AGBL1: variants seen among roughly 807,000 people sequenced by gnomAD.
The protein encoded by AGBL1 is AGBL carboxypeptidase 1.
In AGBL1, 130 loss-of-function variants were observed where a neutral mutation model predicts 118.9. The observed-to-expected ratio is 1.09, with a 90% CI of 0.95 to 1.26. The LOEUF is 1.26. Ranked by LOEUF, AGBL1 falls within the 50% of genes most tolerant of loss-of-function variation. The pLI is 0.00. For missense variants in AGBL1, 1,584 were observed against 1,298.1 expected, an observed-to-expected ratio of 1.22 and a Z score of -3.38; for synonymous variants, 555 against 478.9, an observed-to-expected ratio of 1.16 and a Z score of -2.08.
chr15:86,676,481 C>T (rs994246491), intron 22 of AGBL1, among the ~76,000 whole-genome samples: 6 of 152,204 alleles, frequency 3.9e-5, no homozygotes, highest in Admixed American at 2.6e-4. Context: ...GGTTTGAAAC[C>T]ATCAACAGGC....
At chr15:86,288,634 G>A (rs1052691075) in intron 16 of AGBL1, among the ~76,000 whole-genome samples, 6 of 151,920 alleles carry the variant, frequency 3.9e-5, no homozygotes, top group Non-Finnish European at 7.4e-5. Context: ...ATAGCTCTAT[G>A]TATGATCAAT....
At chr15:87,006,487 G>T (rs947276059) in intron 24 of AGBL1, among the ~76,000 whole-genome samples, 1 of 152,184 alleles carries the variant, frequency 6.6e-6, no homozygotes, top group African/African-American at 2.4e-5. Context: ...GGTACCCTCC[G>T]AGCCAGGCAC....
At chr15:86,646,936 T>A (rs1423494526) in intron 21 of AGBL1, among the ~76,000 whole-genome samples, 2 of 152,214 alleles carry the variant, frequency 1.3e-5, no homozygotes, top group Non-Finnish European at 2.9e-5. Flanking sequence ...TTAATTTTTT[T>A]CTTAGTTTTT....
intron 22 of AGBL1, among the ~76,000 whole-genome samples, chr15:86,784,130 A>G (rs1050552251): frequency 4.6e-5 from 7 of 152,302 alleles, no homozygotes; most frequent in African/African-American, 1.7e-4. Context: ...TACTTGCTAT[A>G]AAGGAGTGTT....
At position 86,269,888 on chromosome 15, in the gene AGBL1, A is replaced by G. The variant is rs372532821; in HGVS notation, c.1839-31A>G. On this transcript the variant is annotated intron_variant, in intron 13 of 22. Transcript: ENST00000614907. Reference sequence around the variant, plus strand: ...GAAGTTTACCTGAAAGACTTTCCAGATAACCCTCCAGTCTTGCTTCTGATC... The same window carrying G: ...GAAGTTTACCTGAAAGACTTTCCAGGTAACCCTCCAGTCTTGCTTCTGATC... 25 of 1,607,026 alleles carry G rather than the reference A, an allele frequency of 1.6e-5. No individual in the cohort carries two copies. In the African/African-American group the frequency reaches 2.9e-4, roughly 19 times the overall value.
intron 5 of AGBL1, among the ~76,000 whole-genome samples, chr15:86,221,764 TA>T: frequency 6.6e-6 from 1 of 152,188 alleles, no homozygotes; most frequent in South Asian, 2.1e-4. Context: ...TTTTTTTTTT[TA>T]AGGAAAGCAC....
chr15:86,749,216 G>A (rs906882622), intron 22 of AGBL1, among the ~76,000 whole-genome samples: 25 of 152,082 alleles, frequency 1.6e-4, no homozygotes, highest in Non-Finnish European at 3.2e-4. Context: ...TCCTTGAAGA[G>A]GTCCTTCACA....
chr15:86,414,457 C>T (rs2034948635), intron 18 of AGBL1, among the ~76,000 whole-genome samples: 2 of 152,068 alleles, frequency 1.3e-5, no homozygotes, highest in South Asian at 2.1e-4. Flanking sequence ...GCAGAATACC[C>T]CTGGAAGAAG....
chr15:86,793,542 A>G (rs1476317016), intron 22 of AGBL1, among the ~76,000 whole-genome samples: 3 of 152,226 alleles, frequency 2.0e-5, no homozygotes, highest in African/African-American at 7.2e-5. Context: ...AAAAATCTTC[A>G]TGACATTATA....
chr15:86,321,519 A>G (rs990849233), intron 17 of AGBL1, among the ~76,000 whole-genome samples: 1 of 152,114 alleles, frequency 6.6e-6, no homozygotes, highest in African/African-American at 2.4e-5. Flanking sequence ...CTGTAATCCC[A>G]GCACTTTGGG....
chr15:86,197,708 C>T (rs1461842048), intron 5 of AGBL1, among the ~76,000 whole-genome samples: 5 of 152,010 alleles, frequency 3.3e-5, no homozygotes, highest in Admixed American at 2.6e-4. Context: ...GAAGCATGTT[C>T]TAAAGAGAAC....
intron 21 of AGBL1, among the ~76,000 whole-genome samples, chr15:86,633,807 ATATAATG>A (rs2085023454): frequency 1.9e-4 from 1 of 5,182 alleles, no homozygotes; most frequent in Non-Finnish European, 4.9e-4. Context: ...ATGTATATAT[ATATAATG>A]TATGTATATA....
Position 86,270,213 on chromosome 15 carries a change from G to C in AGBL1, c.1987+146G>C, listed in dbSNP as rs1299518868. 4 of 1,021,214 alleles carry C rather than the reference G, an allele frequency of 3.9e-6. No individual in the cohort carries two copies. The Admixed American group carries it at 8.3e-5, about 21-fold the overall frequency. 63.3% of individuals were successfully genotyped at this position (1,021,214 alleles called of 1,614,324 possible). A position where few individuals can be genotyped will look rare whatever the true frequency, so the allele number is the denominator to read the frequency against. ...GTTGCCAGGTGCAGCAAGGCAGGCA[G>C]TGGCCCTCAGTGGCACACTGCTACT... On this transcript the variant is annotated intron_variant, in intron 14 of 22. Coordinates refer to ENST00000614907, the MANE Select transcript of AGBL1 (RefSeq NM_001386094.1).
At chr15:86,828,405 G>T (rs958388837) in intron 22 of AGBL1, among the ~76,000 whole-genome samples, 2 of 151,934 alleles carry the variant, frequency 1.3e-5, no homozygotes, top group Admixed American at 6.6e-5. Flanking sequence ...TCTCGAGATG[G>T]GAAGATTATC....
At chr15:86,453,837 T>C (rs1460002249) in intron 18 of AGBL1, among the ~76,000 whole-genome samples, 2 of 152,180 alleles carry the variant, frequency 1.3e-5, no homozygotes, top group African/African-American at 4.8e-5. Flanking sequence ...GATTTTGTTG[T>C]GTGTAGTATT....
At chr15:86,928,662 T>C (rs1331641140) in intron 23 of AGBL1, among the ~76,000 whole-genome samples, 1 of 152,204 alleles carries the variant, frequency 6.6e-6, no homozygotes, top group African/African-American at 2.4e-5. Flanking sequence ...TGTATGTGTA[T>C]GAATTATATC....
intron 18 of AGBL1, among the ~76,000 whole-genome samples, chr15:86,482,309 A>G (rs548923089): frequency 4.6e-5 from 7 of 152,270 alleles, no homozygotes; most frequent in Non-Finnish European, 8.8e-5. Flanking sequence ...GAGAGCACAA[A>G]TGGTTATTAA....
intron 6 of AGBL1, among the ~76,000 whole-genome samples, chr15:86,240,297 G>A (rs142449634): frequency 1.0e-3 from 156 of 152,308 alleles, no homozygotes; most frequent in African/African-American, 3.5e-3. Flanking sequence ...ATGGCAGACA[G>A]CTTATTTTCA....
intron 21 of AGBL1, among the ~76,000 whole-genome samples, chr15:86,651,341 C>G (rs1312255975): frequency 1.3e-5 from 2 of 152,144 alleles, no homozygotes; most frequent in Admixed American, 6.5e-5. Flanking sequence ...TCTAGTACTT[C>G]TAAGGCTCAT....
Sources: gnomAD v4.1 joint callset for allele counts (sites outside exome capture counted in the v4.1 genomes callset) on GRCh38, gnomAD v4.1.1 for gene constraint, MANE v1.5 for transcripts, NCBI Gene and HGNC (gene_info 2026-07-23, HGNC 2026-07-21) for gene names.